Variants in ROBO1 observed in about 807,000 individuals in gnomAD.
ROBO1 encodes roundabout homolog 1.
In ROBO1, 149 loss-of-function variants were observed where a neutral mutation model predicts 195.9. That is an observed-to-expected ratio of 0.76 (90% CI 0.67 to 0.87). The LOEUF is 0.87. Ranked by LOEUF, ROBO1 falls within the 40% of genes least tolerant of loss-of-function variation. ROBO1 has a pLI of 0.00. For missense variants in ROBO1, 1,933 were observed against 2,068.3 expected (o/e 0.93, Z 1.27); for synonymous variants, 816 against 733.2 (o/e 1.11, Z -1.82).
chr3:79,274,989 T>C lies in ROBO1; in HGVS notation c.89-149450A>G, dbSNP rs754193456. 5.3e-5 allele frequency among the ~76,000 whole-genome samples: 8 copies of C among 152,090 alleles called. No homozygotes were observed. In the East Asian group the frequency reaches 7.7e-4, roughly 15 times the overall value. ...ACAAGTACTGAGATTGAAGCTATAA[T>C]AAGCACTCTCTCAGCAGAGAAATGC... On this transcript the variant is annotated intron_variant, in intron 2 of 30. Transcript: ENST00000464233.
At chr3:78,616,966 T>C (rs1704148175) in intron 27 of ROBO1, among the ~76,000 whole-genome samples, 1 of 152,124 alleles carries the variant, frequency 6.6e-6, no homozygotes. Context: ...AGTAAAAATA[T>C]GAAAAGCACT....
intron 2 of ROBO1, among the ~76,000 whole-genome samples, chr3:79,586,707 T>C (rs1943840863): frequency 6.6e-6 from 1 of 151,870 alleles, no homozygotes; most frequent in African/African-American, 2.4e-5. Context: ...ATATGTGAAA[T>C]ATATGCTTTA....
chr3:78,703,826 T>C (rs28473113), intron 8 of ROBO1, among the ~76,000 whole-genome samples: 4,026 of 35,906 alleles, frequency 0.11, 175 homozygotes, highest in African/African-American at 0.4. Context: ...CACACACACA[T>C]ATATATATAT....
chr3:78,853,957 C>G (rs2034242545), intron 4 of ROBO1, among the ~76,000 whole-genome samples: 1 of 152,110 alleles, frequency 6.6e-6, no homozygotes, highest in Admixed American at 6.6e-5. Context: ...ATTGAATTAT[C>G]TCCCACCAGA....
chr3:79,708,754 C>T (rs982014026), intron 1 of ROBO1, among the ~76,000 whole-genome samples: 6 of 152,126 alleles, frequency 3.9e-5, no homozygotes, highest in African/African-American at 1.2e-4. Context: ...GGAGTCTTAA[C>T]TATTCAGGAG....
At chr3:78,798,489 A>AT (rs1223635359) in intron 4 of ROBO1, among the ~76,000 whole-genome samples, 1 of 152,226 alleles carries the variant, frequency 6.6e-6, no homozygotes, top group African/African-American at 2.4e-5. Context: ...TATAAAAACA[A>AT]TGTCAGGCAA....
At chr3:79,361,186 G>T (rs1353243025) in intron 2 of ROBO1, among the ~76,000 whole-genome samples, 1 of 151,934 alleles carries the variant, frequency 6.6e-6, no homozygotes, top group Admixed American at 6.6e-5. Context: ...TATTTTTAAT[G>T]TTTTTTGATA....
At chr3:79,103,729 T>A (rs985309126) in intron 3 of ROBO1, among the ~76,000 whole-genome samples, 1 of 151,706 alleles carries the variant, frequency 6.6e-6, no homozygotes, top group Non-Finnish European at 1.5e-5. Flanking sequence ...CACACATGCA[T>A]ATACAGACAC....
intron 4 of ROBO1, among the ~76,000 whole-genome samples, chr3:78,806,313 A>G (rs2084537917): frequency 6.6e-6 from 1 of 152,068 alleles, no homozygotes; most frequent in Non-Finnish European, 1.5e-5. Context: ...GCTGACCCTA[A>G]TGCTAACCAA....
At chr3:78,848,455 T>A (rs1308186001) in intron 4 of ROBO1, among the ~76,000 whole-genome samples, 1 of 152,092 alleles carries the variant, frequency 6.6e-6, no homozygotes, top group African/African-American at 2.4e-5. Flanking sequence ...GTAGAAAAAT[T>A]AAAGCACAGT....
chr3:78,661,211 T>C lies in ROBO1; in HGVS notation c.2139A>G (p.Pro713=), dbSNP rs771362168. 1 of 1,613,322 alleles carries C rather than the reference T, an allele frequency of 6.2e-7. No homozygotes were observed. The highest frequency in any genetic ancestry group is 8.5e-7 in the Non-Finnish European group (1 of 1,179,562). The change falls in exon 16 of 31, where the codon CCA becomes CCG. Residue 713 remains proline, a synonymous_variant. Coordinates refer to ENST00000464233, the MANE Select transcript of ROBO1 (RefSeq NM_002941.4). Reference sequence around the variant, plus strand: ...CTGATTCTCCGTGGTTGGCTCCAGATGGCCGATAGAGAATTTTATATCCTT... The same window carrying C: ...CTGATTCTCCGTGGTTGGCTCCAGACGGCCGATAGAGAATTTTATATCCTT... ...YIQGYKILYR[P]SGANHGESDW...
chr3:79,043,727 A>G (rs1211505669), intron 3 of ROBO1, among the ~76,000 whole-genome samples: 1 of 152,192 alleles, frequency 6.6e-6, no homozygotes, highest in African/African-American at 2.4e-5. Context: ...TGTTAAGTAT[A>G]GAAATGTATA....
chr3:78,760,579 T>C lies in ROBO1; in HGVS notation c.500-13679A>G, dbSNP rs954893502. 2.0e-5 allele frequency among the ~76,000 whole-genome samples: 3 copies of C among 152,172 alleles called. No homozygotes were observed. In the East Asian group the frequency reaches 5.8e-4, roughly 29 times the overall value. Reference sequence around the variant, plus strand: ...CCTCATCAATAAACATGAATTAACCTATTTGAACAGAATTTTGGGTACATT... The same window carrying C: ...CCTCATCAATAAACATGAATTAACCCATTTGAACAGAATTTTGGGTACATT... On this transcript the variant is annotated intron_variant, in intron 4 of 30. Transcript: ENST00000464233.
At chr3:79,226,623 CT>C (rs2082232793) in intron 2 of ROBO1, among the ~76,000 whole-genome samples, 1 of 151,670 alleles carries the variant, frequency 6.6e-6, no homozygotes, top group East Asian at 1.9e-4. Context: ...TCACTGCAGC[CT>C]TGACCTCCTG....
chr3:79,378,311 C>T (rs1354951292), intron 2 of ROBO1, among the ~76,000 whole-genome samples: 1 of 152,020 alleles, frequency 6.6e-6, no homozygotes, highest in African/African-American at 2.4e-5. Context: ...TCCCTCGGTG[C>T]CAGCCTCCAG....
chr3:79,355,549 G>A (rs1381032151), intron 2 of ROBO1, among the ~76,000 whole-genome samples: 1 of 152,044 alleles, frequency 6.6e-6, no homozygotes, highest in African/African-American at 2.4e-5. Context: ...TGACCAATCT[G>A]TCACTATTCC....
chr3:79,328,589 T>C (rs1417998062), intron 2 of ROBO1, among the ~76,000 whole-genome samples: 3 of 152,170 alleles, frequency 2.0e-5, no homozygotes, highest in Non-Finnish European at 4.4e-5. Flanking sequence ...AATAGAGTTC[T>C]ATAATCCATG....
intron 2 of ROBO1, among the ~76,000 whole-genome samples, chr3:79,288,504 C>T (rs1376646018): frequency 6.6e-6 from 1 of 152,118 alleles, no homozygotes; most frequent in Non-Finnish European, 1.5e-5. Flanking sequence ...ATGTGTGTTG[C>T]TGTGTGTTTG....
chr3:79,638,533 A>G (rs6774713), intron 1 of ROBO1, among the ~76,000 whole-genome samples: 87,560 of 151,862 alleles, frequency 0.58, 25,524 homozygotes, highest in South Asian at 0.67. Flanking sequence ...GCCAGCCTGG[A>G]CCTCCCACAG....
Sources: gnomAD v4.1 joint callset for allele counts (sites outside exome capture counted in the v4.1 genomes callset) on GRCh38, gnomAD v4.1.1 for gene constraint, MANE v1.5 for transcripts, NCBI Gene and HGNC (gene_info 2026-07-23, HGNC 2026-07-21) for gene names.